Variants in CHAC2 observed in about 807,000 individuals in gnomAD.
The protein encoded by CHAC2 is glutathione-specific gamma-glutamylcyclotransferase 2.
Under a neutral mutation model 16.9 loss-of-function variants are expected in CHAC2, and 20 were observed. The ratio of observed to expected loss-of-function variants is 1.18; its 90% confidence interval spans 0.83 to 1.72. The LOEUF is 1.72. CHAC2 is among the 40% of genes most tolerant of loss of function. The pLI, the probability that CHAC2 is intolerant of heterozygous loss-of-function variation, is 0.00. For missense variants in CHAC2, 269 were observed against 222.2 expected (o/e 1.21, Z -1.34); for synonymous variants, 91 against 77.3 (o/e 1.18, Z -0.93).
At chr2:53,768,275 G>T (rs969632399) in intron 1 of CHAC2, 2 of 435,354 alleles carry the variant, frequency 4.6e-6, no homozygotes, top group East Asian at 7.5e-5. Context: ...GGGCACAGGC[G>T]CACGAGCTCG....
chr2:53,767,950 G>C lies in CHAC2; in HGVS notation c.64G>C (p.Val22Leu). ...KVDFPYQDKL[V>L]GYITNYSRRF... ...GGATTTCCCCTATCAGGACAAGCTG[G>C]TCGGATACATCACCAACTACAGCAG... is the stretch of plus-strand genomic sequence containing the variant. Residue 22 changes from valine to leucine, a missense_variant, in exon 1 of 3, where the codon GTC (valine) becomes CTC (leucine). Coordinates refer to ENST00000295304, the MANE Select transcript of CHAC2 (RefSeq NM_001008708.4). 1 of 1,614,148 alleles carries C rather than the reference G, an allele frequency of 6.2e-7. No homozygotes were observed. The highest frequency in any genetic ancestry group is 8.5e-7 in the Non-Finnish European group (1 of 1,180,008).
At position 53,771,938 on chromosome 2, in the gene CHAC2, C is replaced by T; in HGVS notation, c.167C>T (p.Pro56Leu). 6.5e-7 allele frequency: 1 copy of T among 1,543,682 alleles called. No individual in the cohort carries two copies. The highest frequency in any genetic ancestry group is 8.8e-7 in the Non-Finnish European group (1 of 1,134,978). ...AGAGTTGTGACTCTTGTTGAAGATC[C>T]TGCGGTATGGTATAAATATTCTTTT... Reference protein sequence around the residue: ...PGRVVTLVEDPAGCVWGVAYR... With the variant: ...PGRVVTLVEDLAGCVWGVAYR... The change falls in exon 2 of 3, where the codon CCT becomes CTT. Residue 56 changes from proline (P) to leucine (L), a missense_variant. Pro to Leu is a moderately conservative substitution (Grantham distance 98). Transcript: ENST00000295304.
intron 1 of CHAC2, among the ~76,000 whole-genome samples, chr2:53,769,891 G>C (rs1198651443): frequency 6.6e-6 from 1 of 152,122 alleles, no homozygotes; most frequent in Non-Finnish European, 1.5e-5. Flanking sequence ...CTAAGACTCA[G>C]AATTCTAACT....
Position 53,774,708 on chromosome 2 carries a change from ACAT to A in CHAC2, c.*184_*186del. 1 of 492,170 alleles carries A rather than the reference ACAT, an allele frequency of 2.0e-6. No individual in the cohort carries two copies. Among genetic ancestry groups the A allele is most frequent in the Non-Finnish European group, 3.4e-6 (1 of 290,932 alleles). 30.5% of individuals were successfully genotyped at this position (492,170 alleles called of 1,614,324 possible). A position where few individuals can be genotyped will look rare whatever the true frequency, so the allele number is the denominator to read the frequency against. On this transcript the variant is annotated 3_prime_UTR_variant, in exon 3 of 3. Transcript: ENST00000295304. ...TGAAAGAAAAATTCAAATTTTAATA[ACAT>A]AAAGATTTCCTAACTTTATGTTATT...
intron 1 of CHAC2, among the ~76,000 whole-genome samples, chr2:53,770,564 T>C (rs577671962): frequency 5.3e-5 from 8 of 151,074 alleles, no homozygotes; most frequent in African/African-American, 1.9e-4. Flanking sequence ...TGCCTTAAAT[T>C]ATGGAACATT....
chr2:53,768,940 C>A (rs6712204), intron 1 of CHAC2, among the ~76,000 whole-genome samples: 25,746 of 152,150 alleles, frequency 0.17, 2,661 homozygotes, highest in African/African-American at 0.29. Flanking sequence ...GTAGTTTGCA[C>A]CTGCTCATAA....
rs767990230 is a variant in CHAC2, at chr2:53,774,386, G to T, written c.416G>T (p.Gly139Val). The T allele has an allele frequency of 3.7e-6, 6 of 1,613,380 alleles. 1 individual carries two copies. The Middle Eastern group carries it at 4.9e-4, about 133-fold the overall frequency. The change falls in exon 3 of 3, where the codon GGA (glycine) becomes GTA (valine). Residue 139 changes from glycine (G) to valine (V), a missense_variant. By Grantham distance (109) the Gly-to-Val change is moderately radical. Transcript: ENST00000295304. ...EQIFNAAGPS[G>V]RNTEYLFELA... ...ATTTTTAATGCAGCTGGTCCAAGTG[G>T]AAGAAATACAGAATATCTTTTTGAA...
chr2:53,769,125 C>T (rs1673709388), intron 1 of CHAC2, among the ~76,000 whole-genome samples: 1 of 152,178 alleles, frequency 6.6e-6, no homozygotes, highest in South Asian at 2.1e-4. Flanking sequence ...ATTTACAGAT[C>T]AACAGAAATG....
intron 1 of CHAC2, among the ~76,000 whole-genome samples, chr2:53,769,411 A>T (rs1359724787): frequency 2.0e-5 from 3 of 152,252 alleles, no homozygotes; most frequent in African/African-American, 7.2e-5. Context: ...ATATTTATGT[A>T]TGTGGCTATA....
intron 2 of CHAC2, 135 bp from the exon 3 acceptor site, chr2:53,774,007 C>A: frequency 1.0e-6 from 1 of 988,838 alleles, no homozygotes; most frequent in Non-Finnish European, 1.5e-6. Context: ...TGCACCACAG[C>A]CTGGGCAACA....
At chr2:53,768,097 C>T in intron 1 of CHAC2, 76 bp downstream of exon 1, 1 of 1,537,132 alleles carries the variant, frequency 6.5e-7, no homozygotes, top group South Asian at 1.1e-5. Context: ...GCACCCACAC[C>T]CTAGAGAACC....
rs959036567 is a variant in CHAC2 at position 53,769,791 on chromosome 2, G to A, written c.135+1770G>A. Among the ~76,000 whole-genome samples the A allele has an allele frequency of 2.6e-5, 4 of 152,276 alleles. No homozygotes were observed. In the East Asian group the frequency reaches 7.7e-4, roughly 29 times the overall value. On this transcript the variant is annotated intron_variant, in intron 1 of 2. Transcript: ENST00000295304. ...TGGGAGGCAGACGTTGCGGTGAGCT[G>A]AGATTGCGCCACTGCACTCCAGCCT...
intron 2 of CHAC2, among the ~76,000 whole-genome samples, chr2:53,773,532 G>A (rs1235050246): frequency 2.0e-5 from 3 of 152,072 alleles, no homozygotes; most frequent in Admixed American, 2.0e-4. Flanking sequence ...CCGGGTTCAA[G>A]CAATGCTCCT....
chr2:53,772,726 G>A (rs1413681099), intron 2 of CHAC2, among the ~76,000 whole-genome samples: 1 of 152,178 alleles, frequency 6.6e-6, no homozygotes, highest in African/African-American at 2.4e-5. Context: ...AAGTTCAGGA[G>A]TACATGTGCA....
chr2:53,770,650 A>G lies in CHAC2; in HGVS notation c.136-1257A>G, dbSNP rs141077664. ...TATCAGTCTTTGAAATGGGAGAACA[A>G]ATAAAACTTGTTTTGGCTTCATAAT... On this transcript the variant is annotated intron_variant, in intron 1 of 2. Transcript: ENST00000295304. Among the ~76,000 whole-genome samples the G allele has an allele frequency of 2.0e-4, 31 of 152,332 alleles. No homozygotes were observed. The East Asian group carries it at 6.0e-3, about 29-fold the overall frequency.
intron 1 of CHAC2, among the ~76,000 whole-genome samples, chr2:53,771,321 C>A (rs898184628): frequency 1.1e-4 from 16 of 152,092 alleles, no homozygotes; most frequent in South Asian, 2.1e-4. Context: ...TCCATACCAG[C>A]CTGGCCAACA....
In CHAC2 at chr2:53,768,359, G is replaced by A. The variant is rs532243200; in HGVS notation, c.135+338G>A. The A allele has an allele frequency of 4.1e-5, 9 of 221,084 alleles. No individual in the cohort carries two copies. In the East Asian group the frequency reaches 6.8e-4, roughly 17 times the overall value. The allele number at this position is 221,084 out of a possible 1,614,324, so 13.7% of individuals were successfully genotyped here. A position where few individuals can be genotyped will look rare whatever the true frequency, so the allele number is the denominator to read the frequency against. Reference sequence around the variant, plus strand: ...CCAAAAGAAAAAAAGTCCCATTGGCGGGAAGATGAATGCTCATGTCACCAC... The same window carrying A: ...CCAAAAGAAAAAAAGTCCCATTGGCAGGAAGATGAATGCTCATGTCACCAC... On this transcript the variant is annotated intron_variant, in intron 1 of 2. Transcript: ENST00000295304.
intron 1 of CHAC2, chr2:53,768,288 C>T (rs1469279493): frequency 2.4e-6 from 1 of 417,166 alleles, no homozygotes; most frequent in South Asian, 4.2e-5. Context: ...CGAGCTCGCA[C>T]CAGGCTGAGT....
In CHAC2 at chr2:53,767,882, A is replaced by G. The variant is rs1273667196; in HGVS notation, c.-5A>G. 6.2e-7 allele frequency: 1 copy of G among 1,606,566 alleles called. No homozygotes were observed. Among genetic ancestry groups the G allele is most frequent in the Non-Finnish European group, 8.5e-7 (1 of 1,176,720 alleles). ...CGGCCACTGGGGCAGAGGAGCCGCG[A>G]GAAGATGTGGGTTTTTGGTTACGGG... On this transcript the variant is annotated 5_prime_UTR_variant, in exon 1 of 3. Coordinates refer to ENST00000295304, the MANE Select transcript of CHAC2 (RefSeq NM_001008708.4).
Sources: allele counts gnomAD v4.1 joint callset (sites outside exome capture counted in the v4.1 genomes callset), GRCh38; gene constraint gnomAD v4.1.1; transcripts MANE v1.5; gene names NCBI Gene and HGNC (gene_info 2026-07-23, HGNC 2026-07-21).